ITGA8: variants seen among roughly 807,000 people sequenced by gnomAD.
ITGA8 encodes the protein integrin alpha-8.
A neutral mutation model predicts 142.3 loss-of-function variants in ITGA8; 91 were observed. The observed-to-expected ratio is 0.64, with a 90% CI of 0.54 to 0.76. The LOEUF is 0.76. Among genes scored for constraint, ITGA8 ranks in the 30% least tolerant of loss-of-function variants. The pLI is 0.00. For missense variants in ITGA8, 1,406 were observed against 1,327.7 expected (o/e 1.06, Z -0.92); for synonymous variants, 505 against 485.2 (o/e 1.04, Z -0.54).
At chr10:15,551,642 A>G (rs1833794830) in intron 26 of ITGA8, among the ~76,000 whole-genome samples, 1 of 152,224 alleles carries the variant, frequency 6.6e-6, no homozygotes, top group African/African-American at 2.4e-5. Flanking sequence ...TTTCCTGTGC[A>G]AATTGGAAAT....
chr10:15,597,010 C>T, intron 21 of ITGA8, 197 bp downstream of exon 21: 1 of 563,964 alleles, frequency 1.8e-6, no homozygotes, highest in South Asian at 2.5e-5. Flanking sequence ...GAGCATGCAT[C>T]TTTCTGTGTT....
intron 27 of ITGA8, among the ~76,000 whole-genome samples, chr10:15,531,382 CTAT>C (rs1833290106): frequency 6.6e-6 from 1 of 152,100 alleles, no homozygotes; most frequent in African/African-American, 2.4e-5. Context: ...GTGAATCCAT[CTAT>C]CCAAGCATCC....
intron 2 of ITGA8, among the ~76,000 whole-genome samples, chr10:15,691,744 T>C (rs1245551765): frequency 6.6e-6 from 1 of 152,218 alleles, no homozygotes; most frequent in South Asian, 2.1e-4. Flanking sequence ...GGTACAAAGT[T>C]TCAGTTGGGA....
At chr10:15,531,397 T>C (rs112938211) in intron 27 of ITGA8, among the ~76,000 whole-genome samples, 1 of 152,178 alleles carries the variant, frequency 6.6e-6, no homozygotes, top group African/African-American at 2.4e-5. Flanking sequence ...CAAGCATCCA[T>C]CTATCCAAGC....
At chr10:15,561,235 G>GTATATATATATATATATATATATATGTA (rs796194795) in intron 25 of ITGA8, among the ~76,000 whole-genome samples, 1 of 101,578 alleles carries the variant, frequency 9.8e-6, no homozygotes, top group Admixed American at 1.1e-4. Context: ...ATATATATAT[G>GTATATATATATATATATATATATATGTA]TATATATATA....
intron 8 of ITGA8, 122 bp from the exon 9 acceptor site, chr10:15,661,044 AG>A: frequency 1.1e-6 from 1 of 879,926 alleles, no homozygotes; most frequent in Admixed American, 2.0e-5. Flanking sequence ...CATACAGAGC[AG>A]GGGTCCCCAA....
chr10:15,712,506 C>G (rs1018096713), intron 2 of ITGA8, among the ~76,000 whole-genome samples: 2 of 152,132 alleles, frequency 1.3e-5, no homozygotes, highest in African/African-American at 4.8e-5. Context: ...GAGGCTGAGG[C>G]AGGAGAATCA....
In ITGA8 at chr10:15,604,326, T is replaced by G; in HGVS notation, c.2000A>C (p.Glu667Ala). The G allele has an allele frequency of 2.5e-6, 4 of 1,612,536 alleles. No individual in the cohort carries two copies. Among genetic ancestry groups the G allele is most frequent in the Non-Finnish European group, 3.4e-6 (4 of 1,179,250 alleles). Residue 667 changes from glutamate (E) to alanine (A), a missense_variant, in exon 20 of 30, where the codon GAA becomes GCA. Glu to Ala is a moderately radical substitution (Grantham distance 107). Transcript: ENST00000378076. ...PDKHQVIIGD[E>A]NHLMLIINAR... ...ATTTATTATGAGCATAAGGTGATTT[T>G]CATCTCCAATGATTACCTGATGCTT... is the stretch of plus-strand genomic sequence containing the variant.
At chr10:15,660,788 A>C in intron 9 of ITGA8, 91 bp downstream of exon 9, 1 of 1,059,250 alleles carries the variant, frequency 9.4e-7, no homozygotes, top group Non-Finnish European at 1.4e-6. Context: ...CAGTATTTTC[A>C]ATTTATGATG....
intron 27 of ITGA8, among the ~76,000 whole-genome samples, chr10:15,541,775 AAAC>A (rs1833574321): frequency 1.3e-5 from 2 of 152,122 alleles, no homozygotes; most frequent in South Asian, 4.1e-4. Flanking sequence ...TTCCCTCCCA[AAAC>A]AACTTCCTAA....
intron 6 of ITGA8, among the ~76,000 whole-genome samples, chr10:15,674,529 T>C (rs1315586127): frequency 1.3e-5 from 2 of 152,232 alleles, no homozygotes; most frequent in Non-Finnish European, 2.9e-5. Context: ...GTGCAAAATA[T>C]ATAGTTTTTC....
chr10:15,637,504 A>ATTTTTTTTTTTTTT (rs59157680), intron 13 of ITGA8, among the ~76,000 whole-genome samples: 1 of 131,160 alleles, frequency 7.6e-6, no homozygotes. Context: ...GACTCTTTAA[A>ATTTTTTTTTTTTTT]TTTTTTTTTT....
At chr10:15,712,905 C>A (rs970624093) in intron 2 of ITGA8, among the ~76,000 whole-genome samples, 1 of 152,216 alleles carries the variant, frequency 6.6e-6, no homozygotes, top group African/African-American at 2.4e-5. Context: ...CTGCCAAGAA[C>A]CTTGAAGCCT....
chr10:15,659,079 GT>G, intron 9 of ITGA8, 24 bp from the exon 10 acceptor site: 1 of 1,547,902 alleles, frequency 6.5e-7, no homozygotes, highest in Non-Finnish European at 8.8e-7. Context: ...AATTAAACAG[GT>G]TACACCATTT....
chr10:15,640,819 C>T lies in ITGA8; in HGVS notation c.1399+3211G>A, dbSNP rs143710791. 6.5e-3 allele frequency among the ~76,000 whole-genome samples: 986 copies of T among 152,188 alleles called. 12 individuals are homozygous for T. Among genetic ancestry groups the T allele is most frequent in the African/African-American group, 0.023 (945 of 41,508 alleles). The stretch of plus-strand genomic sequence containing the variant: ...GGGACTGAAAGAGGCTAACAGAGGA[C>T]GAAGAGGGCCCAGGACACAGGGAAA... On this transcript the variant is annotated intron_variant, in intron 13 of 29. Transcript: ENST00000378076.
Position 15,561,209 on chromosome 10 carries a change from CTATATATA to C in ITGA8, c.2638-3015_2638-3008del, listed in dbSNP as rs529527480. ...CTGGCCAAGTCTCCTTATCTGTTGG[CTATATATA>C]TATATATATATATATATGTATATAT... On this transcript the variant is annotated intron_variant, in intron 25 of 29. Coordinates refer to ENST00000378076, the MANE Select transcript of ITGA8 (RefSeq NM_003638.3). Among the ~76,000 whole-genome samples the C allele has an allele frequency of 1.5e-3, 177 of 116,962 alleles. 1 individual carries two copies. The highest frequency in any genetic ancestry group is 6.3e-3 in the African/African-American group (170 of 27,006). 76.7% of individuals were successfully genotyped at this position (116,962 alleles called of 152,430 possible).
At chr10:15,642,084 T>G (rs989871565) in intron 13 of ITGA8, among the ~76,000 whole-genome samples, 3 of 151,890 alleles carry the variant, frequency 2.0e-5, no homozygotes, top group Non-Finnish European at 4.4e-5. Context: ...GCTGAGATCG[T>G]GCCACTGCAC....
In ITGA8 at chr10:15,666,995, T is replaced by G. The variant is rs1304650216; in HGVS notation, c.847+4608A>C. ...TAAAATTCTCTTGTTTTGTTGTGTC[T>G]CTGCCTGGCTTTGGTATCAGGATGA... On this transcript the variant is annotated intron_variant, in intron 8 of 29. Coordinates refer to ENST00000378076, the MANE Select transcript of ITGA8 (RefSeq NM_003638.3). Among the ~76,000 whole-genome samples the G allele has an allele frequency of 2.0e-5, 3 of 152,356 alleles. No individual in the cohort carries two copies. The East Asian group carries it at 5.8e-4, about 29-fold the overall frequency.
intron 26 of ITGA8, among the ~76,000 whole-genome samples, chr10:15,550,275 A>G (rs1240070282): frequency 6.6e-6 from 1 of 152,182 alleles, no homozygotes; most frequent in African/African-American, 2.4e-5. Context: ...TTCTTTATAA[A>G]TAACCCAGTC....
Sources: allele counts gnomAD v4.1 joint callset (sites outside exome capture counted in the v4.1 genomes callset), GRCh38; gene constraint gnomAD v4.1.1; transcripts MANE v1.5; gene names NCBI Gene and HGNC (gene_info 2026-07-23, HGNC 2026-07-21).